CNTN5: variants seen among roughly 807,000 people sequenced by gnomAD.
The protein encoded by CNTN5 is contactin-5.
CNTN5 carries 77 observed loss-of-function variants against 129.1 expected under a neutral mutation model. The observed-to-expected ratio is 0.60, with a 90% CI of 0.50 to 0.72. CNTN5 has a LOEUF of 0.72. Among genes scored for constraint, CNTN5 ranks in the 30% least tolerant of loss-of-function variants. The pLI is 0.00. For missense variants in CNTN5, 1,478 were observed against 1,328.8 expected, an observed-to-expected ratio of 1.11 and a Z score of -1.75; for synonymous variants, 509 against 465.6, an observed-to-expected ratio of 1.09 and a Z score of -1.20.
intron 1 of CNTN5, among the ~76,000 whole-genome samples, chr11:99,114,757 T>A (rs1857963715): frequency 6.6e-6 from 1 of 152,172 alleles, no homozygotes; most frequent in African/African-American, 2.4e-5. Flanking sequence ...TCAAGCATCT[T>A]CTGTGTGTAT....
chr11:99,335,995 A>G (rs1227316979), intron 2 of CNTN5, among the ~76,000 whole-genome samples: 1 of 152,184 alleles, frequency 6.6e-6, no homozygotes, highest in African/African-American at 2.4e-5. Context: ...GAATCCTACA[A>G]GATTCTGTTT....
At chr11:99,415,799 C>A (rs191994335) in intron 2 of CNTN5, among the ~76,000 whole-genome samples, 1 of 152,088 alleles carries the variant, frequency 6.6e-6, no homozygotes. Flanking sequence ...TTTCCATTAA[C>A]GTAACTTGCA....
chr11:100,215,755 T>C (rs1360798778), intron 15 of CNTN5, among the ~76,000 whole-genome samples: 1 of 152,120 alleles, frequency 6.6e-6, no homozygotes, highest in South Asian at 2.1e-4. Context: ...ATTCCAAGTA[T>C]TGGCAGGTAT....
chr11:99,222,335 A>C (rs1860439257), intron 1 of CNTN5, among the ~76,000 whole-genome samples: 1 of 151,808 alleles, frequency 6.6e-6, no homozygotes, highest in Admixed American at 6.6e-5. Context: ...AGGAAGGATA[A>C]AGGAAGGAAG....
chr11:99,226,611 TATG>T (rs1860698731), intron 1 of CNTN5, among the ~76,000 whole-genome samples: 1 of 152,160 alleles, frequency 6.6e-6, no homozygotes, highest in African/African-American at 2.4e-5. Flanking sequence ...TAAACTCCAC[TATG>T]ATTCCATAAA....
chr11:99,710,199 G>A (rs1456227133), intron 3 of CNTN5, among the ~76,000 whole-genome samples: 5 of 151,614 alleles, frequency 3.3e-5, no homozygotes, highest in African/African-American at 1.2e-4. Flanking sequence ...CCCATTCTAG[G>A]GTCACCGCTG....
At chr11:99,183,460 C>T (rs530179481) in intron 1 of CNTN5, among the ~76,000 whole-genome samples, 1 of 152,234 alleles carries the variant, frequency 6.6e-6, no homozygotes, top group South Asian at 2.1e-4. Flanking sequence ...CTGTAGGCAA[C>T]TCAAACCCAT....
intron 1 of CNTN5, among the ~76,000 whole-genome samples, chr11:99,129,738 A>G (rs1182105280): frequency 6.6e-6 from 1 of 152,208 alleles, no homozygotes; most frequent in East Asian, 1.9e-4. Flanking sequence ...CTAAAAAGGG[A>G]AACCCATCAG....
chr11:100,037,812 A>T (rs1368286595), intron 9 of CNTN5, among the ~76,000 whole-genome samples: 2 of 151,854 alleles, frequency 1.3e-5, no homozygotes, highest in Non-Finnish European at 2.9e-5. Flanking sequence ...ATCGGTGGTG[A>T]TATCCCCTTT....
chr11:99,201,636 A>C (rs537307106), intron 1 of CNTN5, among the ~76,000 whole-genome samples: 1 of 152,234 alleles, frequency 6.6e-6, no homozygotes, highest in East Asian at 1.9e-4. Flanking sequence ...GGATGGGCAC[A>C]CTGGAATTAG....
intron 1 of CNTN5, among the ~76,000 whole-genome samples, chr11:99,305,441 G>T (rs2135955347): frequency 6.6e-6 from 1 of 152,192 alleles, no homozygotes; most frequent in East Asian, 1.9e-4. Flanking sequence ...GGAAATTGAT[G>T]CTTAAAATGT....
At chr11:99,100,158 A>G (rs1373193479) in intron 1 of CNTN5, among the ~76,000 whole-genome samples, 1 of 152,182 alleles carries the variant, frequency 6.6e-6, no homozygotes, top group East Asian at 1.9e-4. Context: ...TTTTAAAGAG[A>G]GAGGAAACCA....
intron 3 of CNTN5, among the ~76,000 whole-genome samples, chr11:99,753,997 AAAT>A (rs1400646524): frequency 1.0e-4 from 15 of 148,422 alleles, no homozygotes; most frequent in South Asian, 2.3e-4. Flanking sequence ...CAAAAAAAAA[AAAT>A]AAATAACAAC....
chr11:100,355,546 C>T (rs1362008075), intron 24 of CNTN5, among the ~76,000 whole-genome samples: 1 of 151,730 alleles, frequency 6.6e-6, no homozygotes, highest in African/African-American at 2.4e-5. Context: ...GTACATTATA[C>T]GTTTATACAA....
chr11:99,281,487 G>A (rs990737934), intron 1 of CNTN5, among the ~76,000 whole-genome samples: 2 of 151,958 alleles, frequency 1.3e-5, no homozygotes, highest in African/African-American at 4.8e-5. Flanking sequence ...AGCTCAGGTG[G>A]TTCTCACTCA....
At chr11:100,309,545 T>C in intron 21 of CNTN5, 1 of 978,138 alleles carries the variant, frequency 1.0e-6, no homozygotes, top group Non-Finnish European at 1.2e-6. Flanking sequence ...AATGATAATT[T>C]AGTATCTCAT....
At chr11:99,718,918 A>T (rs1005342490) in intron 3 of CNTN5, among the ~76,000 whole-genome samples, 1 of 152,148 alleles carries the variant, frequency 6.6e-6, no homozygotes, top group African/African-American at 2.4e-5. Context: ...TTATTTGAGC[A>T]TTATTCTCCT....
chr11:99,616,124 A>G (rs1373708224), intron 3 of CNTN5, among the ~76,000 whole-genome samples: 1 of 152,154 alleles, frequency 6.6e-6, no homozygotes, highest in East Asian at 1.9e-4. Flanking sequence ...TATGACATTT[A>G]TAGATTTGTA....
chr11:99,556,904 A>G (rs1281890052), intron 3 of CNTN5, among the ~76,000 whole-genome samples: 1 of 151,174 alleles, frequency 6.6e-6, no homozygotes, highest in African/African-American at 2.4e-5. Context: ...ATTGGTAGTA[A>G]TAATATCATA....
Sources: gnomAD v4.1 joint callset for allele counts (sites outside exome capture counted in the v4.1 genomes callset) on GRCh38, gnomAD v4.1.1 for gene constraint, MANE v1.5 for transcripts, NCBI Gene and HGNC (gene_info 2026-07-23, HGNC 2026-07-21) for gene names.